POLE: variants seen among roughly 807,000 people sequenced by gnomAD.
The protein encoded by POLE is DNA polymerase epsilon, catalytic subunit, also known as DNA polymerase epsilon catalytic subunit A.
POLE carries 188 observed loss-of-function variants against 279.2 expected under a neutral mutation model. The observed-to-expected ratio is 0.67, with a 90% CI of 0.60 to 0.76. The LOEUF is 0.76. Among genes scored for constraint, POLE ranks in the 30% least tolerant of loss-of-function variants. POLE has a pLI of 0.00. For synonymous variants in POLE, 1,214 were observed against 1,172.5 expected, an observed-to-expected ratio of 1.04 and a Z score of -0.72; for missense variants, 2,703 against 3,016.7, an observed-to-expected ratio of 0.90 and a Z score of 2.44.
rs780543869 is a variant in POLE, at chr12:132,625,275, C to T, written c.6658-281G>A. On this transcript the variant is annotated intron_variant, in intron 47 of 48. Coordinates refer to ENST00000320574, the MANE Select transcript of POLE (RefSeq NM_006231.4). ...ACTCCCTCCATCCTGCAGGCCTGAA[C>T]GCCGTGCACCACCACACGGCAGCTT... is the stretch of plus-strand genomic sequence containing the variant. The T allele has an allele frequency of 3.7e-5, 27 of 728,684 alleles. No individual in the cohort carries two copies. The East Asian group carries it at 6.2e-4, about 17-fold the overall frequency. 45.1% of individuals were successfully genotyped at this position (728,684 alleles called of 1,614,324 possible). A position where few individuals can be genotyped will look rare whatever the true frequency, so the allele number is the denominator to read the frequency against.
At chr12:132,666,188 T>C (rs1401181267) in intron 20 of POLE, among the ~76,000 whole-genome samples, 2 of 152,236 alleles carry the variant, frequency 1.3e-5, no homozygotes, top group Admixed American at 6.5e-5. Flanking sequence ...TGCACGTCGG[T>C]GTATGAAGGA....
In POLE at chr12:132,634,488, C is replaced by T; in HGVS notation, c.5812-110G>A. 9.5e-7 allele frequency: 1 copy of T among 1,055,044 alleles called. No homozygotes were observed. Among genetic ancestry groups the T allele is most frequent in the South Asian group, 1.5e-5 (1 of 66,380 alleles). The allele number at this position is 1,055,044 out of a possible 1,614,324, so 65.4% of individuals were successfully genotyped here. ...CCTGGGTCCATCTGCCCCGTTTGAC[C>T]AGAGGCCTTCCTCGCAGTCAAGGCA... On this transcript the variant is annotated intron_variant, in intron 42 of 48. Coordinates refer to ENST00000320574, the MANE Select transcript of POLE (RefSeq NM_006231.4). The surrounding 1 kb of genome is among the most constrained non-coding windows in gnomAD (Gnocchi z 4.0).
Position 132,664,785 on chromosome 12 carries a change from C to T in POLE, c.2469-323G>A, listed in dbSNP as rs541103071. Among the ~76,000 whole-genome samples the T allele has an allele frequency of 5.2e-4, 79 of 152,208 alleles. No homozygotes were observed. Among genetic ancestry groups the T allele is most frequent in the Non-Finnish European group, 2.9e-5 (2 of 68,014 alleles). On this transcript the variant is annotated intron_variant, in intron 21 of 48. Coordinates refer to ENST00000320574, the MANE Select transcript of POLE (RefSeq NM_006231.4). The surrounding 1 kb of genome is among the most constrained non-coding windows in gnomAD (Gnocchi z 5.3). ...TTCTCTACTCTCTTCACACCTCCTC[C>T]CAAGCCCCATTCTCACCTCCAGCTT...
In POLE at chr12:132,657,967, G is replaced by A. The variant is rs1057521217; in HGVS notation, c.3279C>T (p.Ala1093=). 7 of 1,609,428 alleles carry A rather than the reference G, an allele frequency of 4.3e-6. No homozygotes were observed. The highest frequency in any genetic ancestry group is 6.0e-6 in the Non-Finnish European group (7 of 1,175,768). Residue 1093 remains alanine (A), a synonymous_variant, in exon 27 of 49, where the codon GCC becomes GCT. Transcript: ENST00000320574. ...KPEGSPVTER[A]IPLAIFQAEP... Reference sequence around the variant, plus strand: ...CTGCTTGGAAAATGGCAAGTGGGATGGCCCTGGGTAAGGAAGACAGGCACA... The same window carrying A: ...CTGCTTGGAAAATGGCAAGTGGGATAGCCCTGGGTAAGGAAGACAGGCACA...
Position 132,664,598 on chromosome 12 carries a change from G to C in POLE, c.2469-136C>G, listed in dbSNP as rs2042750962. On this transcript the variant is annotated intron_variant, in intron 21 of 48. Transcript: ENST00000320574. This position sits in a 1 kb window ranked among gnomAD's most constrained non-coding sequence, Gnocchi z 5.3. ...AAGCAGCCAAATGTGCGTGCACCAG[G>C]ACAGAACTAAGGTGGAATCTGGCTC... is the stretch of plus-strand genomic sequence containing the variant. The C allele has an allele frequency of 5.7e-6, 4 of 697,254 alleles. No homozygotes were observed. The highest frequency in any genetic ancestry group is 1.0e-5 in the Non-Finnish European group (4 of 390,854). 43.2% of individuals were successfully genotyped at this position (697,254 alleles called of 1,614,324 possible). A position where few individuals can be genotyped will look rare whatever the true frequency, so the allele number is the denominator to read the frequency against.
Position 132,687,275 on chromosome 12 carries a change from C to G in POLE, c.41G>C (p.Gly14Ala). 6.7e-7 allele frequency: 1 copy of G among 1,502,908 alleles called. No homozygotes were observed. 93.1% of individuals were successfully genotyped at this position (1,502,908 alleles called of 1,614,324 possible). A position where few individuals can be genotyped will look rare whatever the true frequency, so the allele number is the denominator to read the frequency against. ...RSGGRRRADP[G>A]ADGEASRDDG... Reference sequence around the variant, plus strand: ...TCACCTGCTGGCCTCGCCATCCGCGCCTGGGTCCGCGCGCCGCCGCCCGCC... The same window carrying G: ...TCACCTGCTGGCCTCGCCATCCGCGGCTGGGTCCGCGCGCCGCCGCCCGCC... Residue 14 changes from glycine to alanine, a missense_variant, in exon 1 of 49, where the codon GGC (glycine) becomes GCC (alanine). Transcript: ENST00000320574.
At chr12:132,665,489 T>C (rs758018543) in intron 20 of POLE, 39 bp from the exon 21 acceptor site, 29 of 1,575,684 alleles carry the variant, frequency 1.8e-5, no homozygotes, top group Admixed American at 3.5e-5. Flanking sequence ...CACAGATTCT[T>C]CCATTTCACA....
Position 132,679,367 on chromosome 12 carries a change from C to T in POLE, c.578+130G>A, listed in dbSNP as rs555861873. 1.4e-5 allele frequency: 12 copies of T among 831,102 alleles called. No individual in the cohort carries two copies. The African/African-American group carries it at 1.9e-4, about 13-fold the overall frequency. 51.5% of individuals were successfully genotyped at this position (831,102 alleles called of 1,614,324 possible). On this transcript the variant is annotated intron_variant, in intron 6 of 48. Coordinates refer to ENST00000320574, the MANE Select transcript of POLE (RefSeq NM_006231.4). The stretch of plus-strand genomic sequence containing the variant: ...AACACAGAACATACAGAAATCTCTA[C>T]CTAATTGCTCAAGTTTTCCGTATCA...
At chr12:132,681,843 G>T (rs1458209162) in intron 1 of POLE, among the ~76,000 whole-genome samples, 1 of 152,130 alleles carries the variant, frequency 6.6e-6, no homozygotes, top group Admixed American at 6.5e-5. Flanking sequence ...AGCCAGACGC[G>T]GTGGCTCATG....
At chr12:132,677,520 T>A (rs2136019384) in intron 7 of POLE, 58 bp downstream of exon 7, 1 of 1,611,646 alleles carries the variant, frequency 6.2e-7, no homozygotes, top group Non-Finnish European at 8.5e-7. Context: ...CCCATAATGA[T>A]CATCTCCTGG....
rs778804868 is a variant in POLE at position 132,648,961 on chromosome 12, C to T, written c.4117G>A (p.Ala1373Thr). The part of the protein sequence containing the change: ...PRVFYVNQRV[A>T]KAEEGASYRK... ...TACGAAGCACCCTCCTCCGCTTTAG[C>T]GACTCGCTGGTTCACGTAGAACACA... The change falls in exon 32 of 49, where the codon GCT (alanine) becomes ACT (threonine). Residue 1373 changes from alanine (A) to threonine (T), a missense_variant. Ala to Thr is a moderately conservative substitution (Grantham distance 58, BLOSUM62 0). This residue lies in a region of POLE where 1,551 missense variants were observed against 1,686.1 expected (regional missense o/e 0.92). Coordinates refer to ENST00000320574, the MANE Select transcript of POLE (RefSeq NM_006231.4). The T allele has an allele frequency of 3.1e-6, 5 of 1,613,940 alleles. No individual in the cohort carries two copies. Among genetic ancestry groups the T allele is most frequent in the East Asian group, 2.2e-5 (1 of 44,892 alleles).
At position 132,632,384 on chromosome 12, in the gene POLE, A is replaced by C. The variant is rs574704264; in HGVS notation, c.6261T>G (p.Phe2087Leu). Residue 2087 changes from phenylalanine to leucine, a missense_variant, in exon 45 of 49, where the codon TTT becomes TTG. Physicochemically the swap from Phe to Leu is conservative, Grantham distance 22. This residue lies in a region of POLE where 1,551 missense variants were observed against 1,686.1 expected (regional missense o/e 0.92). Coordinates refer to ENST00000320574, the MANE Select transcript of POLE (RefSeq NM_006231.4). ...GCAAGTGGGAACCGGGGAGGACAGG[A>C]AACATCTCTGAGAGCTCAGTGGAGT... ...SRNSTELSEM[F>L]PVLPGSHLLL... is the part of the protein sequence containing the mutation. The C allele has an allele frequency of 6.2e-7, 1 of 1,614,126 alleles. No individual in the cohort carries two copies. The highest frequency in any genetic ancestry group is 1.1e-5 in the South Asian group (1 of 91,086).
Position 132,679,594 on chromosome 12 carries a change from C to T in POLE, c.481G>A (p.Glu161Lys), listed in dbSNP as rs2136027537. Residue 161 changes from glutamate (E) to lysine (K), a missense_variant, in exon 6 of 49, where the codon GAG becomes AAG. This residue lies in a region of POLE where 1,011 missense variants were observed against 1,111.7 expected (regional missense o/e 0.91). Coordinates refer to ENST00000320574, the MANE Select transcript of POLE (RefSeq NM_006231.4). ...TCCTTCCTCACTTTGACAAGATCCT[C>T]CACAGTGTGGAAGGACAGCCTGATG... ...NYIRLSFHTV[E>K]DLVKVRKEIS... The T allele has an allele frequency of 6.2e-7, 1 of 1,614,054 alleles. No homozygotes were observed. Among genetic ancestry groups the T allele is most frequent in the Non-Finnish European group, 8.5e-7 (1 of 1,179,916 alleles).
rs1250780418 is a variant in POLE at position 132,679,555 on chromosome 12, C to T, written c.520G>A (p.Val174Met). 5 of 1,614,092 alleles carry T rather than the reference C, an allele frequency of 3.1e-6. No individual in the cohort carries two copies. Among genetic ancestry groups the T allele is most frequent in the Middle Eastern group, 1.6e-4 (1 of 6,062 alleles). ...TGATCCTGCTCCCTGTTCTTCTTCA[C>T]GGCAGGGGAGATCTCCTTCCTCACT... The part of the protein sequence containing the change: ...VKVRKEISPA[V>M]KKNREQDHAS... The change falls in exon 6 of 49, where the codon GTG becomes ATG. Residue 174 changes from valine to methionine, a missense_variant. This residue lies in a region of POLE where 1,011 missense variants were observed against 1,111.7 expected (regional missense o/e 0.91). Coordinates refer to ENST00000320574, the MANE Select transcript of POLE (RefSeq NM_006231.4).
chr12:132,676,929 T>G (rs1230191967), intron 8 of POLE, among the ~76,000 whole-genome samples: 1 of 152,178 alleles, frequency 6.6e-6, no homozygotes, highest in Non-Finnish European at 1.5e-5. Context: ...CATCACCTCA[T>G]TCTGGTGGTT....
intron 45 of POLE, among the ~76,000 whole-genome samples, chr12:132,630,235 G>C (rs2041910477): frequency 6.6e-6 from 1 of 152,182 alleles, no homozygotes; most frequent in Non-Finnish European, 1.5e-5. Context: ...GGAAAGATGA[G>C]ACTTGCTCAA....
chr12:132,664,907 A>G lies in POLE; in HGVS notation c.2468+395T>C, dbSNP rs5744828. Among the ~76,000 whole-genome samples the G allele has an allele frequency of 0.019, 1,902 of 102,620 alleles. 45 individuals carry two copies. Among genetic ancestry groups the G allele is most frequent in the African/African-American group, 0.064 (1,756 of 27,458 alleles). 67.3% of individuals were successfully genotyped at this position (102,620 alleles called of 152,430 possible). On this transcript the variant is annotated intron_variant, in intron 21 of 48. Coordinates refer to ENST00000320574, the MANE Select transcript of POLE (RefSeq NM_006231.4). This position sits in a 1 kb window ranked among gnomAD's most constrained non-coding sequence, Gnocchi z 5.3. ...TGTCCCACCCTCCCCTCCCGGCACC[A>G]GCCCCATGCCCCTTGTCAGTTGCTT...
At chr12:132,651,742 C>CTCAAAAG (rs1167459935) in intron 29 of POLE, among the ~76,000 whole-genome samples, 1 of 152,230 alleles carries the variant, frequency 6.6e-6, no homozygotes, top group Non-Finnish European at 1.5e-5. Flanking sequence ...CTGGCACTCT[C>CTCAAAAG]TCAAAAGTCC....
chr12:132,665,786 A>G (rs573658363), intron 20 of POLE, among the ~76,000 whole-genome samples: 1 of 152,316 alleles, frequency 6.6e-6, no homozygotes, highest in South Asian at 2.1e-4. Flanking sequence ...AAGACCACAG[A>G]TGTCTCATCA....
Sources: allele counts gnomAD v4.1 joint callset (sites outside exome capture counted in the v4.1 genomes callset), GRCh38; gene constraint gnomAD v4.1.1; regional missense constraint gnomAD v4.1.1; non-coding constraint Gnocchi (gnomAD v3.1); transcripts MANE v1.5; gene names NCBI Gene and HGNC (gene_info 2026-07-23, HGNC 2026-07-21).